PTPRJ: variants seen among roughly 807,000 people sequenced by gnomAD.
PTPRJ encodes the protein receptor-type tyrosine-protein phosphatase eta.
Under a neutral mutation model 141.3 loss-of-function variants are expected in PTPRJ, and 129 were observed. The ratio of observed to expected loss-of-function variants is 0.91; its 90% CI spans 0.79 to 1.06. PTPRJ has a LOEUF of 1.06. Among genes scored for constraint, PTPRJ ranks in the 50% least tolerant of loss-of-function variants. The pLI, the probability that PTPRJ is intolerant of heterozygous loss-of-function variation, is 0.00. For synonymous variants in PTPRJ, 610 were observed against 640.5 expected, an observed-to-expected ratio of 0.95 and a Z score of 0.72; for missense variants, 1,601 against 1,679.7, an observed-to-expected ratio of 0.95 and a Z score of 0.82.
chr11:48,146,984 A>G, intron 15 of PTPRJ, 21 bp downstream of exon 15: 2 of 1,590,782 alleles, frequency 1.3e-6, no homozygotes, highest in Non-Finnish European at 1.7e-6. Flanking sequence ...TTATGCTAAT[A>G]ATAATACTCT....
intron 1 of PTPRJ, among the ~76,000 whole-genome samples, chr11:48,024,337 A>G (rs1355389528): frequency 1.3e-5 from 2 of 152,140 alleles, no homozygotes; most frequent in Admixed American, 1.3e-4. Flanking sequence ...AGCTGGGACT[A>G]CAGACGCATG....
intron 1 of PTPRJ, chr11:48,015,831 G>A (rs1423789836): frequency 1.4e-5 from 2 of 139,344 alleles, no homozygotes; most frequent in Non-Finnish European, 3.0e-5. Context: ...TCCAGCCTGG[G>A]CAACAGAGTG....
intron 1 of PTPRJ, among the ~76,000 whole-genome samples, chr11:48,055,819 AGCT>A (rs1854738185): frequency 2.6e-5 from 4 of 152,232 alleles, no homozygotes; most frequent in Admixed American, 2.0e-4. Flanking sequence ...TGCTTGGCTC[AGCT>A]CTGCGAGTGC....
At chr11:48,049,561 AAAAC>A (rs1327010759) in intron 1 of PTPRJ, among the ~76,000 whole-genome samples, 3 of 150,100 alleles carry the variant, frequency 2.0e-5, no homozygotes, top group African/African-American at 7.5e-5. Flanking sequence ...AAAACAAAAC[AAAAC>A]AAGTCGGGTG....
chr11:48,059,109 CCTT>C (rs1323105597), intron 1 of PTPRJ, among the ~76,000 whole-genome samples: 5 of 125,932 alleles, frequency 4.0e-5, no homozygotes, highest in African/African-American at 1.8e-4. Flanking sequence ...CTGTGCTGTG[CCTT>C]TTTTTTTTTT....
At chr11:48,025,956 A>G (rs1178500056) in intron 1 of PTPRJ, among the ~76,000 whole-genome samples, 1 of 152,036 alleles carries the variant, frequency 6.6e-6, no homozygotes, top group Non-Finnish European at 1.5e-5. Context: ...CCCCCCAATT[A>G]TGGAAATCCC....
intron 1 of PTPRJ, among the ~76,000 whole-genome samples, chr11:48,005,661 T>A (rs2047050623): frequency 6.6e-6 from 1 of 152,230 alleles, no homozygotes; most frequent in South Asian, 2.1e-4. Flanking sequence ...CTATGAACGT[T>A]TGTCTACCAG....
intron 8 of PTPRJ, among the ~76,000 whole-genome samples, chr11:48,133,420 G>A (rs955485748): frequency 1.3e-5 from 2 of 152,084 alleles, no homozygotes; most frequent in African/African-American, 2.4e-5. Flanking sequence ...CAAAGGACCC[G>A]TTTCATTCAA....
intron 1 of PTPRJ, among the ~76,000 whole-genome samples, chr11:48,054,193 C>G (rs1854692638): frequency 6.6e-6 from 1 of 152,196 alleles, no homozygotes; most frequent in South Asian, 2.1e-4. Context: ...CTTGGCCTCC[C>G]AAAGTGCTGG....
At chr11:48,115,630 TAC>T (rs1165200961) in intron 3 of PTPRJ, among the ~76,000 whole-genome samples, 1 of 152,174 alleles carries the variant, frequency 6.6e-6, no homozygotes, top group East Asian at 1.9e-4. Flanking sequence ...GTAAAATAAA[TAC>T]ACAGTCAAAT....
At chr11:48,125,531 T>C (rs909871316) in intron 6 of PTPRJ, among the ~76,000 whole-genome samples, 1 of 152,268 alleles carries the variant, frequency 6.6e-6, no homozygotes, top group African/African-American at 2.4e-5. Flanking sequence ...GTTTTTCCTT[T>C]GCTTTGAGTT....
Position 48,125,021 on chromosome 11 carries a change from G to C in PTPRJ, c.928G>C (p.Asp310His), listed in dbSNP as rs750231343. The C allele has an allele frequency of 1.9e-6, 3 of 1,614,014 alleles. No homozygotes were observed. The highest frequency in any genetic ancestry group is 2.7e-5 in the African/African-American group (2 of 74,916). The change falls in exon 6 of 25, where the codon GAT becomes CAT. Residue 310 changes from aspartate to histidine, a missense_variant. Coordinates refer to ENST00000418331, the MANE Select transcript of PTPRJ (RefSeq NM_002843.4). ...RAGSPTAPVH[D>H]ESLVGPVDPS... ...AGGGAGCCCCACCGCCCCTGTGCATGATGAGTCCCTCGTGGGACCTGTGGA... is the reference window on the plus strand; with the variant it reads ...AGGGAGCCCCACCGCCCCTGTGCATCATGAGTCCCTCGTGGGACCTGTGGA...
At chr11:48,067,346 A>G (rs1855115004) in intron 1 of PTPRJ, among the ~76,000 whole-genome samples, 1 of 152,184 alleles carries the variant, frequency 6.6e-6, no homozygotes, top group South Asian at 2.1e-4. Flanking sequence ...AATGGTGCGG[A>G]TGACTTCCTC....
chr11:48,152,243 T>C (rs1857502066), intron 18 of PTPRJ, among the ~76,000 whole-genome samples: 3 of 152,368 alleles, frequency 2.0e-5, no homozygotes, highest in African/African-American at 7.2e-5. Flanking sequence ...CATAAATGTC[T>C]TCTTTTGAGA....
rs148738004 is a variant in PTPRJ, at chr11:48,125,107, C to T, written c.1014C>T (p.Gly338=). 2.1e-5 allele frequency: 34 copies of T among 1,614,068 alleles called. No homozygotes were observed. In the Admixed American group the frequency reaches 2.5e-4, roughly 12 times the overall value. Reference sequence around the variant, plus strand: ...TCCTGCTTGTCGGGTTAGAGCCTGGCACCCGATACAATGCCACCGTTTATT... The same window carrying T: ...TCCTGCTTGTCGGGTTAGAGCCTGGTACCCGATACAATGCCACCGTTTATT... ...TEVLLVGLEP[G]TRYNATVYSQ... The change falls in exon 6 of 25, where the codon GGC becomes GGT. Residue 338 remains glycine, a synonymous_variant. Transcript: ENST00000418331.
intron 1 of PTPRJ, among the ~76,000 whole-genome samples, chr11:48,038,809 C>T (rs1345129629): frequency 6.7e-6 from 1 of 150,240 alleles, no homozygotes; most frequent in Non-Finnish European, 1.5e-5. Context: ...TTCTTTATCC[C>T]TTTACTTTCC....
intron 1 of PTPRJ, among the ~76,000 whole-genome samples, chr11:48,048,770 G>A (rs993433234): frequency 2.6e-5 from 4 of 152,004 alleles, no homozygotes; most frequent in African/African-American, 7.3e-5. Context: ...CTCCAGCCTG[G>A]GTGACAGAGC....
chr11:48,063,129 A>C (rs570489312), intron 1 of PTPRJ, among the ~76,000 whole-genome samples: 2 of 152,288 alleles, frequency 1.3e-5, no homozygotes, highest in Admixed American at 1.3e-4. Context: ...GGAGTTTGAG[A>C]CCAGCCTGGC....
At chr11:48,021,027 C>T (rs1855103632) in intron 1 of PTPRJ, among the ~76,000 whole-genome samples, 1 of 152,118 alleles carries the variant, frequency 6.6e-6, no homozygotes. Flanking sequence ...GGGCATTTTA[C>T]TCTTCTGTGG....
Sources: gnomAD v4.1 joint callset for allele counts (sites outside exome capture counted in the v4.1 genomes callset) on GRCh38, gnomAD v4.1.1 for gene constraint, MANE v1.5 for transcripts, NCBI Gene and HGNC (gene_info 2026-07-23, HGNC 2026-07-21) for gene names.